The following SGTB variants were observed in gnomAD, a reference collection of about 807,000 sequenced individuals.
SGTB encodes small glutamine-rich tetratricopeptide repeat-containing protein beta.
A neutral mutation model predicts 43.9 loss-of-function variants in SGTB; 19 were observed. The observed-to-expected ratio is 0.43, with a 90% CI of 0.30 to 0.63. The LOEUF (loss-of-function observed/expected upper bound fraction) is 0.63. SGTB is among the 30% of genes least tolerant of loss of function. SGTB has a pLI of 0.12. For synonymous variants in SGTB, 116 were observed against 117.3 expected, an observed-to-expected ratio of 0.99 and a Z score of 0.07; for missense variants, 304 against 358.9, an observed-to-expected ratio of 0.85 and a Z score of 1.24.
rs748311630 is a variant in SGTB at position 65,671,901 on chromosome 5, T to C, written c.803+14A>G. Reference sequence around the variant, plus strand: ...AAATACATCTTCACTATTTCTGTTTTAAATAATACTTACGCTTGGATGAGG... The same window carrying C: ...AAATACATCTTCACTATTTCTGTTTCAAATAATACTTACGCTTGGATGAGG... On this transcript the variant is annotated intron_variant, in intron 10 of 10. Coordinates refer to ENST00000381007, the MANE Select transcript of SGTB (RefSeq NM_019072.3). 6.2e-7 allele frequency: 1 copy of C among 1,611,810 alleles called. No individual in the cohort carries two copies. Among genetic ancestry groups the C allele is most frequent in the South Asian group, 1.1e-5 (1 of 90,778 alleles).
chr5:65,708,613 T>C lies in SGTB; in HGVS notation c.205-55A>G, dbSNP rs556278028. The C allele has an allele frequency of 2.8e-5, 37 of 1,341,692 alleles. No individual in the cohort carries two copies. The Middle Eastern group carries it at 1.3e-3, about 47-fold the overall frequency. 83.1% of individuals were successfully genotyped at this position (1,341,692 alleles called of 1,614,324 possible). The stretch of plus-strand genomic sequence containing the variant: ...CCTTTAGCTACATAAAGAATCATCC[T>C]AGAGTACTATAAATAAATAATAAAT... On this transcript the variant is annotated intron_variant, in intron 3 of 10. Transcript: ENST00000381007.
chr5:65,682,046 G>A (rs762591465), intron 6 of SGTB, among the ~76,000 whole-genome samples: 17 of 151,748 alleles, frequency 1.1e-4, no homozygotes, highest in Non-Finnish European at 2.1e-4. Context: ...CAGGCAACAA[G>A]CATGCAAATA....
intron 5 of SGTB, among the ~76,000 whole-genome samples, chr5:65,692,254 A>G (rs909113832): frequency 6.6e-6 from 1 of 152,210 alleles, no homozygotes; most frequent in Non-Finnish European, 1.5e-5. Context: ...CGTATGTGAT[A>G]AGGAGAAAGA....
At chr5:65,720,582 C>A in intron 2 of SGTB, 126 bp downstream of exon 2, 1 of 1,032,616 alleles carries the variant, frequency 9.7e-7, no homozygotes, top group South Asian at 1.9e-5. Flanking sequence ...TATAGTCAGG[C>A]CTCTCCTCTT....
chr5:65,693,330 A>G (rs916553711), intron 5 of SGTB, among the ~76,000 whole-genome samples: 5 of 147,364 alleles, frequency 3.4e-5, no homozygotes, highest in African/African-American at 1.3e-4. Flanking sequence ...AGAAAGAAAG[A>G]GGAGAAGGGA....
rs1269378443 is a variant in SGTB at position 65,712,957 on chromosome 5, A to C, written c.204+4T>G. The C allele has an allele frequency of 6.2e-7, 1 of 1,607,570 alleles. No homozygotes were observed. The highest frequency in any genetic ancestry group is 1.1e-5 in the South Asian group (1 of 90,418). On this transcript the variant is annotated splice_donor_region_variant and intron_variant, in intron 3 of 10. Transcript: ENST00000381007. ...TTAATAATGAGAAAATAATGACAAC[A>C]TACCTTACAGAAGGAACTGGTAAAC...
intron 4 of SGTB, 76 bp from the exon 5 acceptor site, chr5:65,704,454 TC>T: frequency 9.3e-7 from 1 of 1,071,726 alleles, no homozygotes; most frequent in East Asian, 2.9e-5. Flanking sequence ...CACATTTTAA[TC>T]GTGGAAACTA....
chr5:65,720,717 T>C lies in SGTB; in HGVS notation c.91A>G (p.Ser31Gly). 6.2e-7 allele frequency: 1 copy of C among 1,613,186 alleles called. No individual in the cohort carries two copies. Residue 31 changes from serine to glycine, a missense_variant, in exon 2 of 11, where the codon AGT (serine) becomes GGT (glycine). Ser to Gly is a moderately conservative substitution (Grantham distance 56). Coordinates refer to ENST00000381007, the MANE Select transcript of SGTB (RefSeq NM_019072.3). ...MDTYTSDEQE[S>G]LEVAIQCLET... ...AAGAGCAGATGCATACCTTCCAAAC[T>C]TTCTTGTTCATCCGAGGTGTAAGTG...
At chr5:65,692,991 A>G (rs1029960550) in intron 5 of SGTB, among the ~76,000 whole-genome samples, 1 of 152,126 alleles carries the variant, frequency 6.6e-6, no homozygotes, top group Non-Finnish European at 1.5e-5. Flanking sequence ...GAATCACTTC[A>G]GGTCAGGAGT....
intron 3 of SGTB, among the ~76,000 whole-genome samples, chr5:65,711,238 T>C (rs747639946): frequency 5.3e-5 from 8 of 152,062 alleles, no homozygotes; most frequent in Non-Finnish European, 1.2e-4. Flanking sequence ...CAATAAACTG[T>C]ATTTTAACGA....
intron 4 of SGTB, among the ~76,000 whole-genome samples, chr5:65,707,128 T>A (rs1036323757): frequency 2.6e-5 from 4 of 151,334 alleles, no homozygotes; most frequent in Non-Finnish European, 4.4e-5. Flanking sequence ...CCAGGCGTGG[T>A]GGCACGCGCC....
At position 65,704,859 on chromosome 5, in the gene SGTB, AAACT is replaced by A. The variant is rs540400377; in HGVS notation, c.275-485_275-482del. Among the ~76,000 whole-genome samples, 56 of 152,352 alleles carry A rather than the reference AAACT, an allele frequency of 3.7e-4. No individual in the cohort carries two copies. The South Asian group carries it at 0.011, about 31-fold the overall frequency. On this transcript the variant is annotated intron_variant, in intron 4 of 10. Transcript: ENST00000381007. ...GAACACTGCTGAGGATAAGCTGATAAAACTAATCATGCTATCATGATAGTGGCAG... is the reference window on the plus strand; with the variant it reads ...GAACACTGCTGAGGATAAGCTGATAAAATCATGCTATCATGATAGTGGCAG...
At chr5:65,712,813 ACCCAAT>A in intron 3 of SGTB, 142 bp downstream of exon 3, 1 of 469,756 alleles carries the variant, frequency 2.1e-6, no homozygotes, top group East Asian at 3.3e-5. Flanking sequence ...TATTTTAGAT[ACCCAAT>A]TATATCCATA....
intron 10 of SGTB, 49 bp downstream of exon 10, chr5:65,671,866 G>A: frequency 3.9e-6 from 6 of 1,553,596 alleles, no homozygotes; most frequent in Non-Finnish European, 5.3e-6. Context: ...GAGATAGGCT[G>A]TAAAACATAA....
chr5:65,703,117 A>T (rs565880310), intron 5 of SGTB, among the ~76,000 whole-genome samples: 1 of 152,336 alleles, frequency 6.6e-6, no homozygotes, highest in East Asian at 1.9e-4. Flanking sequence ...TATTTTAGAA[A>T]CAACAGATGT....
rs1757101462 is a variant in SGTB at position 65,669,045 on chromosome 5, T to C, written c.*1201A>G. The stretch of plus-strand genomic sequence containing the variant: ...GTTGGAATTAAACTCTCATCATCAA[T>C]GTAGTTAGACCCATGCAATTAATAC... On this transcript the variant is annotated 3_prime_UTR_variant, in exon 11 of 11. Coordinates refer to ENST00000381007, the MANE Select transcript of SGTB (RefSeq NM_019072.3). 1 of 152,202 alleles carries C rather than the reference T, an allele frequency of 6.6e-6. No individual in the cohort carries two copies. The highest frequency in any genetic ancestry group is 6.5e-5 in the Admixed American group (1 of 15,284). 9.4% of individuals were successfully genotyped at this position (152,202 alleles called of 1,614,324 possible).
intron 3 of SGTB, among the ~76,000 whole-genome samples, chr5:65,709,000 C>T (rs1757990525): frequency 6.6e-6 from 1 of 151,318 alleles, no homozygotes; most frequent in Non-Finnish European, 1.5e-5. Flanking sequence ...GAGATCATGG[C>T]ACTGTACTCC....
At chr5:65,686,710 C>A (rs1279791419) in intron 5 of SGTB, among the ~76,000 whole-genome samples, 1 of 152,006 alleles carries the variant, frequency 6.6e-6, no homozygotes, top group Non-Finnish European at 1.5e-5. Flanking sequence ...GCTTAACCAC[C>A]CAGTAAACCA....
chr5:65,695,667 T>C (rs1757702122), intron 5 of SGTB, among the ~76,000 whole-genome samples: 1 of 152,224 alleles, frequency 6.6e-6, no homozygotes, highest in South Asian at 2.1e-4. Flanking sequence ...ATATGATTTA[T>C]GTTCTATTTT....
Sources: allele counts gnomAD v4.1 joint callset (sites outside exome capture counted in the v4.1 genomes callset), GRCh38; gene constraint gnomAD v4.1.1; transcripts MANE v1.5; gene names NCBI Gene and HGNC (gene_info 2026-07-23, HGNC 2026-07-21).